Variants in CCSER1 observed in about 807,000 individuals in gnomAD.
The protein encoded by CCSER1 is serine-rich coiled-coil domain-containing protein 1.
Under a neutral mutation model 82.0 loss-of-function variants are expected in CCSER1, and 41 were observed. That is an observed-to-expected ratio of 0.50 (90% CI 0.39 to 0.65). CCSER1 has a LOEUF of 0.65. CCSER1 is among the 30% of genes least tolerant of loss of function. The pLI is 0.00. For synonymous variants in CCSER1, 414 were observed against 383.9 expected (o/e 1.08, Z -0.92); for missense variants, 1,119 against 1,064.2 (o/e 1.05, Z -0.72).
chr4:91,561,880 A>G (rs1451693257), intron 10 of CCSER1, among the ~76,000 whole-genome samples: 1 of 151,472 alleles, frequency 6.6e-6, no homozygotes, highest in African/African-American at 2.4e-5. Context: ...TTCTATGGGT[A>G]TATCATGGGT....
At chr4:90,839,383 T>C (rs1229449800) in intron 8 of CCSER1, among the ~76,000 whole-genome samples, 2 of 152,198 alleles carry the variant, frequency 1.3e-5, no homozygotes, top group African/African-American at 2.4e-5. Context: ...AAGTTTCAGA[T>C]TCAACTACAG....
At chr4:90,162,311 C>G (rs557066815) in intron 1 of CCSER1, among the ~76,000 whole-genome samples, 10 of 152,012 alleles carry the variant, frequency 6.6e-5, no homozygotes, top group Non-Finnish European at 1.5e-4. Flanking sequence ...GCTCTGATCA[C>G]AATAAATGCT....
chr4:90,874,377 G>C (rs1580874177), intron 8 of CCSER1, among the ~76,000 whole-genome samples: 1 of 151,736 alleles, frequency 6.6e-6, no homozygotes. Flanking sequence ...TGTTTCTTTT[G>C]TTCTTATTTT....
intron 6 of CCSER1, among the ~76,000 whole-genome samples, chr4:90,713,618 G>A (rs1741060154): frequency 6.6e-6 from 1 of 151,730 alleles, no homozygotes; most frequent in Non-Finnish European, 1.5e-5. Flanking sequence ...ATGGCTATGT[G>A]TCTTGGGGTT....
intron 7 of CCSER1, among the ~76,000 whole-genome samples, chr4:90,788,916 C>G (rs1358458104): frequency 6.6e-6 from 1 of 152,014 alleles, no homozygotes; most frequent in Admixed American, 6.6e-5. Context: ...AGATTTTCCT[C>G]CCCCAGGCAT....
At chr4:91,184,873 C>A (rs907370470) in intron 10 of CCSER1, among the ~76,000 whole-genome samples, 3 of 152,114 alleles carry the variant, frequency 2.0e-5, no homozygotes, top group Non-Finnish European at 4.4e-5. Flanking sequence ...AGAACTTGTG[C>A]TCCTCATTGT....
At chr4:90,683,572 G>A (rs1734273920) in intron 6 of CCSER1, among the ~76,000 whole-genome samples, 1 of 152,020 alleles carries the variant, frequency 6.6e-6, no homozygotes, top group African/African-American at 2.4e-5. Context: ...TAATGACTTT[G>A]TAAAACGAAA....
At chr4:90,964,384 T>C (rs1366542382) in intron 9 of CCSER1, among the ~76,000 whole-genome samples, 3 of 151,818 alleles carry the variant, frequency 2.0e-5, no homozygotes, top group Admixed American at 2.0e-4. Flanking sequence ...AAAGCAGCAG[T>C]TCTAGAATAA....
At chr4:91,365,950 A>G (rs4146582) in intron 10 of CCSER1, among the ~76,000 whole-genome samples, 63,367 of 152,030 alleles carry the variant, frequency 0.42, 13,787 homozygotes, top group East Asian at 0.82. Flanking sequence ...ATAAATCTTT[A>G]TGTATGCATC....
chr4:90,828,686 T>C (rs1021620239), intron 8 of CCSER1, among the ~76,000 whole-genome samples: 2 of 152,190 alleles, frequency 1.3e-5, no homozygotes, highest in Non-Finnish European at 2.9e-5. Context: ...TACTGTCAAA[T>C]GTGGCTTTAT....
chr4:90,546,253 G>C (rs1304871001), intron 5 of CCSER1, among the ~76,000 whole-genome samples: 1 of 152,034 alleles, frequency 6.6e-6, no homozygotes, highest in Non-Finnish European at 1.5e-5. Context: ...AATCTACCTG[G>C]GAAGAGTAAG....
chr4:90,785,306 G>A (rs1316661640), intron 7 of CCSER1, among the ~76,000 whole-genome samples: 2 of 152,126 alleles, frequency 1.3e-5, no homozygotes, highest in African/African-American at 2.4e-5. Context: ...CCAAATTACA[G>A]GCATGAGCCA....
At chr4:90,332,553 A>G (rs1261762275) in intron 3 of CCSER1, among the ~76,000 whole-genome samples, 2 of 152,146 alleles carry the variant, frequency 1.3e-5, no homozygotes, top group Non-Finnish European at 2.9e-5. Context: ...TTTAACAATA[A>G]TTTCATAGTT....
At chr4:90,599,022 G>T (rs1274220764) in intron 5 of CCSER1, among the ~76,000 whole-genome samples, 2 of 152,196 alleles carry the variant, frequency 1.3e-5, no homozygotes, top group East Asian at 3.8e-4. Flanking sequence ...TGCAGTGGCA[G>T]CTTGGGTCAT....
intron 10 of CCSER1, among the ~76,000 whole-genome samples, chr4:91,574,048 T>C (rs956397512): frequency 2.0e-5 from 3 of 152,082 alleles, no homozygotes; most frequent in Non-Finnish European, 4.4e-5. Flanking sequence ...GTTCCATTGA[T>C]TGGAATAATT....
rs1357793794 is a variant in CCSER1, at chr4:91,496,577, TATATATATACACGAATATATATTTGA to T, written c.2218-101985_2218-101960del. ...GGCATAAATCTTGTATATATATATA[TATATATATACACGAATATATATTTGA>T]ATATATATATACACGAATATATATT... is the stretch of plus-strand genomic sequence containing the variant. On this transcript the variant is annotated intron_variant, in intron 10 of 10. Transcript: ENST00000509176. Among the ~76,000 whole-genome samples, 500 of 68,468 alleles carry T rather than the reference TATATATATACACGAATATATATTTGA, an allele frequency of 7.3e-3. 126 individuals are homozygous for T. Among genetic ancestry groups the T allele is most frequent in the African/African-American group, 0.019 (435 of 22,548 alleles). 44.9% of individuals were successfully genotyped at this position (68,468 alleles called of 152,430 possible). A position where few individuals can be genotyped will look rare whatever the true frequency, so the allele number is the denominator to read the frequency against.
rs1183522735 is a variant in CCSER1, at chr4:90,818,995, G to A, written c.2094+3150G>A. ...ACCAAAACAAAATGCCATAGATGGGGTGGCTTAAACAACTAAAGTCTATTT... is the reference window on the plus strand; with the variant it reads ...ACCAAAACAAAATGCCATAGATGGGATGGCTTAAACAACTAAAGTCTATTT... On this transcript the variant is annotated intron_variant, in intron 8 of 10. Transcript: ENST00000509176. 2.0e-5 allele frequency among the ~76,000 whole-genome samples: 3 copies of A among 152,184 alleles called. No homozygotes were observed. The East Asian group carries it at 5.8e-4, about 29-fold the overall frequency.
chr4:90,304,661 G>T (rs1378014432), intron 1 of CCSER1, among the ~76,000 whole-genome samples: 1 of 152,032 alleles, frequency 6.6e-6, no homozygotes, highest in Non-Finnish European at 1.5e-5. Context: ...GGTGGGGAGA[G>T]TGGGGAGGGA....
intron 10 of CCSER1, among the ~76,000 whole-genome samples, chr4:91,325,826 T>A (rs549463415): frequency 2.0e-5 from 3 of 152,208 alleles, no homozygotes; most frequent in Non-Finnish European, 4.4e-5. Flanking sequence ...GAAAGTATAA[T>A]TAAATATTTA....
Sources: allele counts gnomAD v4.1 joint callset (sites outside exome capture counted in the v4.1 genomes callset), GRCh38; gene constraint gnomAD v4.1.1; transcripts MANE v1.5; gene names NCBI Gene and HGNC (gene_info 2026-07-23, HGNC 2026-07-21).